IGF2BP2: variants seen among roughly 807,000 people sequenced by gnomAD.
The protein encoded by IGF2BP2 is insulin like growth factor 2 mRNA binding protein 2.
IGF2BP2 carries 17 observed loss-of-function variants against 75.8 expected under a neutral mutation model. The observed-to-expected ratio is 0.22, with a 90% CI of 0.15 to 0.34. The LOEUF (loss-of-function observed/expected upper bound fraction) is 0.34. IGF2BP2 is among the 10% of genes least tolerant of loss of function. The pLI, the probability that IGF2BP2 is intolerant of heterozygous loss-of-function variation, is 1.00. For missense variants in IGF2BP2, 516 were observed against 772.4 expected, an observed-to-expected ratio of 0.67 and a Z score of 3.93; for synonymous variants, 288 against 295.6, an observed-to-expected ratio of 0.97 and a Z score of 0.26.
intron 2 of IGF2BP2, among the ~76,000 whole-genome samples, chr3:185,714,990 T>C (rs1228652701): frequency 6.6e-6 from 1 of 152,136 alleles, no homozygotes; most frequent in Non-Finnish European, 1.5e-5. Context: ...AGGAGGCTAG[T>C]GGGCAGGGAG....
intron 2 of IGF2BP2, among the ~76,000 whole-genome samples, chr3:185,742,425 G>A (rs531404322): frequency 3.4e-4 from 52 of 152,246 alleles, no homozygotes; most frequent in Admixed American, 6.5e-4. Context: ...GAATCCAGGA[G>A]GTGGAGGTTG....
At chr3:185,661,411 C>T (rs1352330479) in intron 10 of IGF2BP2, among the ~76,000 whole-genome samples, 8 of 151,916 alleles carry the variant, frequency 5.3e-5, no homozygotes, top group Admixed American at 2.0e-4. Context: ...CTGAGGCAGG[C>T]GGATTATTTG....
intron 2 of IGF2BP2, among the ~76,000 whole-genome samples, chr3:185,713,741 C>T (rs1349294087): frequency 6.6e-6 from 1 of 152,154 alleles, no homozygotes; most frequent in Non-Finnish European, 1.5e-5. Context: ...TGCTCTGTTG[C>T]CCAGGCTGGA....
At chr3:185,691,101 T>C (rs1410656434) in intron 5 of IGF2BP2, among the ~76,000 whole-genome samples, 6 of 152,192 alleles carry the variant, frequency 3.9e-5, no homozygotes, top group Non-Finnish European at 8.8e-5. Flanking sequence ...CTTTTTCTTT[T>C]TTTTTATTTT....
chr3:185,692,172 C>T lies in IGF2BP2; in HGVS notation c.404+527G>A, dbSNP rs527795724. On this transcript the variant is annotated intron_variant, in intron 5 of 15. Transcript: ENST00000382199. ...ACCCAAACCAGGTGCTATTGAGTAA[C>T]CACTCTCAGACAATTCTCTCGGCTG... Among the ~76,000 whole-genome samples, 3 of 152,304 alleles carry T rather than the reference C, an allele frequency of 2.0e-5. No homozygotes were observed. The South Asian group carries it at 6.2e-4, about 32-fold the overall frequency.
intron 7 of IGF2BP2, among the ~76,000 whole-genome samples, chr3:185,680,312 A>G (rs1720180303): frequency 6.6e-6 from 1 of 152,194 alleles, no homozygotes; most frequent in Non-Finnish European, 1.5e-5. Flanking sequence ...TCAGTAATCA[A>G]AAACCTCCCA....
At chr3:185,808,946 T>C (rs1374445752) in intron 2 of IGF2BP2, among the ~76,000 whole-genome samples, 3 of 152,190 alleles carry the variant, frequency 2.0e-5, no homozygotes, top group South Asian at 2.1e-4. Flanking sequence ...ATGAATTACT[T>C]TGTCCATTGG....
intron 2 of IGF2BP2, among the ~76,000 whole-genome samples, chr3:185,745,589 T>C (rs1386423288): frequency 2.0e-5 from 3 of 152,140 alleles, no homozygotes; most frequent in Non-Finnish European, 4.4e-5. Flanking sequence ...CAAGAATGCC[T>C]AAGATGATTC....
rs1191459512 is a variant in IGF2BP2, at chr3:185,644,272, C to T, written c.*1259G>A. On this transcript the variant is annotated 3_prime_UTR_variant, in exon 16 of 16. Coordinates refer to ENST00000382199, the MANE Select transcript of IGF2BP2 (RefSeq NM_006548.6). ...TCGTTAAAAAAATCTGTGAATTTAA[C>T]GCCCTGGGCCAACAACCTTGGTAAA... The T allele has an allele frequency of 2.0e-5, 3 of 152,352 alleles. No homozygotes were observed. Among genetic ancestry groups the T allele is most frequent in the Non-Finnish European group, 4.4e-5 (3 of 68,006 alleles). The allele number at this position is 152,352 out of a possible 1,614,324, so 9.4% of individuals were successfully genotyped here.
chr3:185,781,927 T>TAGTATGACTAAGA (rs1323078970), intron 2 of IGF2BP2, among the ~76,000 whole-genome samples: 3 of 152,144 alleles, frequency 2.0e-5, no homozygotes, highest in Non-Finnish European at 4.4e-5. Context: ...TGGGAGTTCA[T>TAGTATGACTAAGA]AGTATGACTA....
intron 8 of IGF2BP2, 119 bp downstream of exon 8, chr3:185,675,672 T>C (rs1241863286): frequency 4.6e-6 from 6 of 1,297,058 alleles, no homozygotes; most frequent in Non-Finnish European, 6.4e-6. Flanking sequence ...ATGATGGAGA[T>C]AATTGCATCA....
chr3:185,793,760 G>GA (rs773086604), intron 2 of IGF2BP2, among the ~76,000 whole-genome samples: 1 of 152,082 alleles, frequency 6.6e-6, no homozygotes, highest in Non-Finnish European at 1.5e-5. Flanking sequence ...AGCACTGAGA[G>GA]AAACAGCCCT....
chr3:185,789,751 T>G (rs1386826039), intron 2 of IGF2BP2, among the ~76,000 whole-genome samples: 2 of 101,072 alleles, frequency 2.0e-5, no homozygotes, highest in African/African-American at 5.3e-5. Context: ...TTTTTTTTTT[T>G]GAGACAGAAT....
chr3:185,657,770 G>A (rs1028891969), intron 11 of IGF2BP2, among the ~76,000 whole-genome samples: 1 of 152,200 alleles, frequency 6.6e-6, no homozygotes, highest in African/African-American at 2.4e-5. Flanking sequence ...CTGGCCTGAA[G>A]ACGGCCCCAA....
intron 2 of IGF2BP2, chr3:185,821,096 C>A: frequency 6.5e-7 from 1 of 1,532,970 alleles, no homozygotes; most frequent in Non-Finnish European, 8.7e-7. Flanking sequence ...GATCTCAGTA[C>A]ACAATACCGG....
chr3:185,811,828 G>GTGTC (rs1253739237), intron 2 of IGF2BP2, among the ~76,000 whole-genome samples: 1 of 120,284 alleles, frequency 8.3e-6, no homozygotes, highest in Non-Finnish European at 1.9e-5. Flanking sequence ...TCAGAGTAGG[G>GTGTC]TGTCTCTCTC....
chr3:185,757,565 G>A (rs1457939920), intron 2 of IGF2BP2, among the ~76,000 whole-genome samples: 4 of 150,420 alleles, frequency 2.7e-5, no homozygotes, highest in African/African-American at 9.8e-5. Flanking sequence ...CCCGGGTTCA[G>A]GTGATTTTTC....
chr3:185,757,244 GA>G (rs1457751681), intron 2 of IGF2BP2, among the ~76,000 whole-genome samples: 2 of 152,084 alleles, frequency 1.3e-5, no homozygotes, highest in African/African-American at 4.8e-5. Context: ...AAAGCCATCA[GA>G]AAAGCTACTA....
At chr3:185,800,062 A>C (rs1737995342) in intron 2 of IGF2BP2, among the ~76,000 whole-genome samples, 1 of 152,232 alleles carries the variant, frequency 6.6e-6, no homozygotes, top group South Asian at 2.1e-4. Context: ...GATTAAGAAA[A>C]TGTGGCACAT....
Sources: allele counts gnomAD v4.1 joint callset (sites outside exome capture counted in the v4.1 genomes callset), GRCh38; gene constraint gnomAD v4.1.1; transcripts MANE v1.5; gene names NCBI Gene and HGNC (gene_info 2026-07-23, HGNC 2026-07-21).